Variants in PARD3B observed in about 807,000 individuals in gnomAD.
The protein encoded by PARD3B is par-3 family cell polarity regulator beta, also known as partitioning defective 3 homolog B.
In PARD3B, 103 loss-of-function variants were observed where a neutral mutation model predicts 130.2. That is an observed-to-expected ratio of 0.79 (90% confidence interval 0.67 to 0.93). PARD3B has a LOEUF of 0.93. Among genes scored for constraint, PARD3B ranks in the 40% least tolerant of loss-of-function variants. PARD3B has a pLI of 0.00. For synonymous variants in PARD3B, 583 were observed against 553.2 expected (o/e 1.05, Z -0.76); for missense variants, 1,609 against 1,499.2 (o/e 1.07, Z -1.21).
intron 2 of PARD3B, among the ~76,000 whole-genome samples, chr2:204,837,829 A>C (rs1460707761): frequency 2.0e-5 from 3 of 152,080 alleles, no homozygotes; most frequent in Non-Finnish European, 4.4e-5. Flanking sequence ...CTAATGGATA[A>C]GACTATTTGC....
chr2:205,500,475 G>A (rs1007325535), intron 21 of PARD3B, among the ~76,000 whole-genome samples: 28 of 151,994 alleles, frequency 1.8e-4, no homozygotes, highest in African/African-American at 6.3e-4. Context: ...TGATCTTACC[G>A]GCATACTAGG....
intron 2 of PARD3B, among the ~76,000 whole-genome samples, chr2:204,862,456 T>A (rs1037046479): frequency 6.6e-6 from 1 of 152,188 alleles, no homozygotes; most frequent in Non-Finnish European, 1.5e-5. Context: ...TATGAATAGA[T>A]GTTTGATTAT....
intron 11 of PARD3B, among the ~76,000 whole-genome samples, chr2:205,163,570 A>C (rs2034632097): frequency 6.6e-6 from 1 of 152,224 alleles, no homozygotes; most frequent in African/African-American, 2.4e-5. Flanking sequence ...CAATACAAGC[A>C]ATCATGATAT....
chr2:205,377,407 G>T (rs1001418151), intron 18 of PARD3B, among the ~76,000 whole-genome samples: 2 of 152,146 alleles, frequency 1.3e-5, no homozygotes, highest in African/African-American at 4.8e-5. Context: ...GATCATAGAA[G>T]TTTGGGAAAC....
chr2:204,827,158 G>A (rs1390724157), intron 2 of PARD3B, among the ~76,000 whole-genome samples: 45 of 152,106 alleles, frequency 3.0e-4, no homozygotes, highest in Admixed American at 2.9e-3. Flanking sequence ...GTCATTATTT[G>A]TGTAAAATTT....
At chr2:205,135,741 C>T (rs1211499281) in intron 10 of PARD3B, among the ~76,000 whole-genome samples, 9 of 152,140 alleles carry the variant, frequency 5.9e-5, no homozygotes, top group East Asian at 1.9e-4. Context: ...TGACACATAA[C>T]GCAACAGTAG....
intron 19 of PARD3B, among the ~76,000 whole-genome samples, chr2:205,428,926 A>C (rs1009426512): frequency 3.9e-5 from 6 of 152,140 alleles, no homozygotes; most frequent in African/African-American, 1.4e-4. Context: ...CTAAAAACAA[A>C]GGGGTCCTTG....
intron 21 of PARD3B, among the ~76,000 whole-genome samples, chr2:205,531,864 C>CCATG (rs2051610659): frequency 6.6e-6 from 1 of 152,140 alleles, no homozygotes; most frequent in African/African-American, 2.4e-5. Flanking sequence ...TCATCAGGAA[C>CCATG]CATGATTTGC....
intron 2 of PARD3B, among the ~76,000 whole-genome samples, chr2:204,947,852 G>C (rs1051127047): frequency 2.6e-5 from 4 of 152,150 alleles, no homozygotes; most frequent in Non-Finnish European, 5.9e-5. Flanking sequence ...GTAATGACAT[G>C]ATGAATAGGT....
intron 22 of PARD3B, among the ~76,000 whole-genome samples, chr2:205,602,754 T>C (rs532701621): frequency 6.6e-6 from 1 of 152,216 alleles, no homozygotes; most frequent in South Asian, 2.1e-4. Context: ...TGAGTCTTCT[T>C]TTCTTCTTTA....
chr2:204,916,259 A>T (rs2047439072), intron 2 of PARD3B, among the ~76,000 whole-genome samples: 1 of 152,232 alleles, frequency 6.6e-6, no homozygotes, highest in Non-Finnish European at 1.5e-5. Flanking sequence ...GTGAAACAGA[A>T]AACATTATTT....
At chr2:205,330,816 A>G (rs1376765780) in intron 18 of PARD3B, among the ~76,000 whole-genome samples, 5 of 152,192 alleles carry the variant, frequency 3.3e-5, no homozygotes, top group Admixed American at 2.0e-4. Flanking sequence ...AGGGTTAGAG[A>G]AAGGAGAGGA....
rs2047915976 is a variant in PARD3B, at chr2:205,446,629, A to G, written c.3044+5957A>G. ...AAGGTTGGCCCTGAACCTTCAGTCC[A>G]TCTTAGAAAAAAAAAATTGCCTTAT... On this transcript the variant is annotated intron_variant, in intron 20 of 22. Transcript: ENST00000406610. The surrounding 1 kb of genome is among the most constrained non-coding windows in gnomAD (Gnocchi z 4.4). Among the ~76,000 whole-genome samples the G allele has an allele frequency of 7.3e-6, 1 of 137,080 alleles. No individual in the cohort carries two copies. Among genetic ancestry groups the G allele is most frequent in the African/African-American group, 3.5e-5 (1 of 28,370 alleles). 89.9% of individuals were successfully genotyped at this position (137,080 alleles called of 152,430 possible).
At chr2:205,533,490 C>A (rs1373280490) in intron 21 of PARD3B, among the ~76,000 whole-genome samples, 2 of 152,094 alleles carry the variant, frequency 1.3e-5, no homozygotes, top group East Asian at 3.9e-4. Flanking sequence ...TACCCCTATA[C>A]CTTTATTCAT....
At chr2:204,614,923 C>T (rs1290879380) in intron 1 of PARD3B, among the ~76,000 whole-genome samples, 1 of 152,116 alleles carries the variant, frequency 6.6e-6, no homozygotes, top group Non-Finnish European at 1.5e-5. Flanking sequence ...ATTATGCAAT[C>T]TCAGGTATTT....
chr2:204,874,106 G>A (rs758017520), intron 2 of PARD3B, among the ~76,000 whole-genome samples: 9 of 152,238 alleles, frequency 5.9e-5, no homozygotes, highest in African/African-American at 1.2e-4. Context: ...TTGCACCATC[G>A]TACTCCCGCC....
chr2:204,921,193 T>G (rs2047664217), intron 2 of PARD3B, among the ~76,000 whole-genome samples: 2 of 152,338 alleles, frequency 1.3e-5, no homozygotes, highest in South Asian at 4.1e-4. Context: ...CTTCCGCATT[T>G]TTAATAGAAT....
intron 5 of PARD3B, 101 bp from the exon 6 acceptor site, chr2:205,113,390 A>T (rs1848948): frequency 1.2e-5 from 4 of 334,240 alleles, no homozygotes; most frequent in East Asian, 8.4e-5. Context: ...AATCCTGAGC[A>T]GGGGTGTGTG....
intron 18 of PARD3B, among the ~76,000 whole-genome samples, chr2:205,313,163 A>G (rs955684839): frequency 2.6e-5 from 4 of 152,164 alleles, no homozygotes; most frequent in Admixed American, 2.0e-4. Flanking sequence ...GTATAGATTA[A>G]ATTTAGATCA....
Sources: gnomAD v4.1 joint callset for allele counts (sites outside exome capture counted in the v4.1 genomes callset) on GRCh38, gnomAD v4.1.1 for gene constraint, Gnocchi (gnomAD v3.1) non-coding constraint, MANE v1.5 for transcripts, NCBI Gene and HGNC (gene_info 2026-07-23, HGNC 2026-07-21) for gene names.